The following AKAP13 variants were observed in gnomAD, a reference collection of about 807,000 sequenced individuals.
AKAP13 encodes the protein A-kinase anchor protein 13.
In AKAP13, 80 loss-of-function variants were observed where a neutral mutation model predicts 264.5. That is an observed-to-expected ratio of 0.30 (90% CI 0.25 to 0.36). AKAP13 has a LOEUF of 0.36. Ranked by LOEUF, AKAP13 falls within the 10% of genes least tolerant of loss-of-function variation. The pLI is 1.00. For synonymous variants in AKAP13, 1,380 were observed against 1,250.2 expected, an observed-to-expected ratio of 1.10 and a Z score of -2.19; for missense variants, 3,712 against 3,435.2, an observed-to-expected ratio of 1.08 and a Z score of -2.01.
chr15:85,595,511 C>A (rs2079779888), intron 8 of AKAP13, among the ~76,000 whole-genome samples: 1 of 152,134 alleles, frequency 6.6e-6, no homozygotes, highest in Non-Finnish European at 1.5e-5. Flanking sequence ...TACATGAATG[C>A]AGTATATGAG....
chr15:85,447,390 A>T (rs1247632340), intron 1 of AKAP13, among the ~76,000 whole-genome samples: 1 of 152,156 alleles, frequency 6.6e-6, no homozygotes, highest in Non-Finnish European at 1.5e-5. Context: ...ATTTTATTTT[A>T]GGTTTGGGGA....
chr15:85,735,660 T>A (rs1157539118), intron 32 of AKAP13, 30 bp downstream of exon 32: 1 of 1,582,218 alleles, frequency 6.3e-7, no homozygotes, highest in Non-Finnish European at 8.6e-7. Flanking sequence ...ACCATGAACC[T>A]CCTTGGCACT....
At position 85,722,062 on chromosome 15, in the gene AKAP13, A is replaced by G. The variant is rs556255660; in HGVS notation, c.6324A>G (p.Val2108=). ...TTTGTGGGCAACATAACCAGTCTGTAAACTACTTCAAAGACCTTTATGCCA... is the reference window on the plus strand; with the variant it reads ...TTTGTGGGCAACATAACCAGTCTGTGAACTACTTCAAAGACCTTTATGCCA... ...GKFCGQHNQS[V]NYFKDLYAKD... Residue 2108 remains valine (V), a synonymous_variant, in exon 24 of 37, where the codon GTA becomes GTG. Transcript: ENST00000394518. 1 of 1,614,156 alleles carries G rather than the reference A, an allele frequency of 6.2e-7. No homozygotes were observed. The highest frequency in any genetic ancestry group is 1.3e-5 in the African/African-American group (1 of 75,068).
At chr15:85,528,737 T>G (rs2077160838) in intron 3 of AKAP13, among the ~76,000 whole-genome samples, 1 of 152,050 alleles carries the variant, frequency 6.6e-6, no homozygotes, top group South Asian at 2.1e-4. Flanking sequence ...ACCCCATAAT[T>G]TATATTTGTC....
intron 1 of AKAP13, among the ~76,000 whole-genome samples, chr15:85,418,933 TGC>T (rs2072377428): frequency 6.6e-6 from 1 of 152,240 alleles, no homozygotes; most frequent in Non-Finnish European, 1.5e-5. Context: ...TTCAGCAGTC[TGC>T]TTATAGTACC....
intron 8 of AKAP13, among the ~76,000 whole-genome samples, chr15:85,636,505 A>G (rs1402786647): frequency 2.0e-5 from 3 of 152,206 alleles, no homozygotes; most frequent in African/African-American, 4.8e-5. Flanking sequence ...ACCAATAAAT[A>G]TAATGTTAAC....
At chr15:85,742,501 C>T (rs1347168641) in intron 35 of AKAP13, among the ~76,000 whole-genome samples, 3 of 152,152 alleles carry the variant, frequency 2.0e-5, no homozygotes, top group South Asian at 2.1e-4. Context: ...TAGGGGAGGC[C>T]GCCACTCCTC....
At chr15:85,451,374 A>G (rs936632666) in intron 1 of AKAP13, among the ~76,000 whole-genome samples, 4 of 152,150 alleles carry the variant, frequency 2.6e-5, no homozygotes, top group African/African-American at 4.8e-5. Context: ...GTTTACATTC[A>G]AGATTAGTAA....
chr15:85,393,690 A>T (rs2150812717), intron 1 of AKAP13, among the ~76,000 whole-genome samples: 1 of 152,198 alleles, frequency 6.6e-6, no homozygotes, highest in South Asian at 2.1e-4. Context: ...CCCTTTTTTG[A>T]TGAAAAAACT....
chr15:85,745,215 CA>C lies in AKAP13; in HGVS notation c.*539del, dbSNP rs1483754980. On this transcript the variant is annotated 3_prime_UTR_variant, in exon 37 of 37. Transcript: ENST00000394518. Reference sequence around the variant, plus strand: ...TGCCTGGACGGACCCGGAGCCCCCGCATATCAGCAGTTCACCCAGTACTCCT... The same window carrying C: ...TGCCTGGACGGACCCGGAGCCCCCGCTATCAGCAGTTCACCCAGTACTCCT... The C allele has an allele frequency of 6.5e-6, 1 of 152,848 alleles. No homozygotes were observed. The highest frequency in any genetic ancestry group is 2.4e-5 in the African/African-American group (1 of 41,450). 9.5% of individuals were successfully genotyped at this position (152,848 alleles called of 1,614,324 possible). A position where few individuals can be genotyped will look rare whatever the true frequency, so the allele number is the denominator to read the frequency against.
intron 6 of AKAP13, 98 bp from the exon 7 acceptor site, chr15:85,578,832 T>C (rs185913276): frequency 1.4e-4 from 158 of 1,095,766 alleles, no homozygotes; most frequent in Middle Eastern, 1.0e-3. Flanking sequence ...AGAGCTAGAA[T>C]AGAAGTGAGT....
intron 1 of AKAP13, among the ~76,000 whole-genome samples, chr15:85,398,019 G>A (rs1432559452): frequency 6.6e-6 from 1 of 152,192 alleles, no homozygotes; most frequent in Non-Finnish European, 1.5e-5. Context: ...CAGAGGCCCA[G>A]AGAGGCTGGA....
rs1323519911 is a variant in AKAP13, at chr15:85,748,716, T to C, written c.*4039T>C. 1.3e-5 allele frequency: 2 copies of C among 152,102 alleles called. No homozygotes were observed. Among genetic ancestry groups the C allele is most frequent in the African/African-American group, 2.4e-5 (1 of 41,392 alleles). 9.4% of individuals were successfully genotyped at this position (152,102 alleles called of 1,614,324 possible). ...CTCATCTAATTTAATTGTCAAAAGA[T>C]TGATAGGCCATGAATTACTTCTCCA... is the stretch of plus-strand genomic sequence containing the variant. On this transcript the variant is annotated 3_prime_UTR_variant, in exon 37 of 37. Transcript: ENST00000394518.
At chr15:85,498,319 T>G (rs1306326988) in intron 2 of AKAP13, among the ~76,000 whole-genome samples, 1 of 151,876 alleles carries the variant, frequency 6.6e-6, no homozygotes, top group East Asian at 2.0e-4. Flanking sequence ...CATGTAAAGT[T>G]ACATTGTGTG....
In AKAP13 at chr15:85,547,012, G is replaced by T. The variant is rs562212783; in HGVS notation, c.662+3057G>T. ...CCACCTCGGCCTCCCAAAGTGCTGG[G>T]ATTACAGGCGTGAGCCACCGCGCCC... is the stretch of plus-strand genomic sequence containing the variant. On this transcript the variant is annotated intron_variant, in intron 5 of 36. Coordinates refer to ENST00000394518, the MANE Select transcript of AKAP13 (RefSeq NM_007200.5). Among the ~76,000 whole-genome samples the T allele has an allele frequency of 3.3e-5, 5 of 152,194 alleles. No homozygotes were observed. In the East Asian group the frequency reaches 9.7e-4, roughly 29 times the overall value.
intron 8 of AKAP13, among the ~76,000 whole-genome samples, chr15:85,602,510 G>A (rs1196668191): frequency 2.1e-5 from 3 of 143,832 alleles, no homozygotes; most frequent in Non-Finnish European, 4.6e-5. Context: ...TTTTTGAAAC[G>A]GAGTCTTGCT....
intron 2 of AKAP13, among the ~76,000 whole-genome samples, chr15:85,505,393 A>G (rs1409413345): frequency 6.6e-6 from 1 of 152,234 alleles, no homozygotes; most frequent in East Asian, 1.9e-4. Context: ...GACTGGTAGT[A>G]GTATTTAAAA....
intron 5 of AKAP13, among the ~76,000 whole-genome samples, chr15:85,573,447 G>A (rs192650811): frequency 1.1e-3 from 165 of 152,198 alleles, no homozygotes; most frequent in African/African-American, 3.8e-3. Flanking sequence ...TCAGGAGGCT[G>A]AGGCAGGAGA....
intron 8 of AKAP13, among the ~76,000 whole-genome samples, chr15:85,613,612 C>T (rs1216367493): frequency 2.1e-5 from 3 of 144,590 alleles, no homozygotes; most frequent in South Asian, 4.4e-4. Flanking sequence ...ACCCCGGAGG[C>T]GGAGCTTGCA....
Sources: gnomAD v4.1 joint callset for allele counts (sites outside exome capture counted in the v4.1 genomes callset) on GRCh38, gnomAD v4.1.1 for gene constraint, MANE v1.5 for transcripts, NCBI Gene and HGNC (gene_info 2026-07-23, HGNC 2026-07-21) for gene names.